Variants in FBN2 observed in about 807,000 individuals in gnomAD.
FBN2 encodes fibrillin-2.
FBN2 carries 105 observed loss-of-function variants against 355.6 expected under a neutral mutation model. That is an observed-to-expected ratio of 0.30 (90% CI 0.25 to 0.35). FBN2 has a LOEUF of 0.35. Ranked by LOEUF, FBN2 falls within the 10% of genes least tolerant of loss-of-function variation. The pLI, the probability that FBN2 is intolerant of heterozygous loss-of-function variation, is 1.00. For missense variants in FBN2, 3,280 were observed against 3,758.7 expected (o/e 0.87, Z 3.33); for synonymous variants, 1,350 against 1,301.2 (o/e 1.04, Z -0.81).
At chr5:128,409,696 A>G (rs1753015212) in intron 7 of FBN2, among the ~76,000 whole-genome samples, 1 of 152,158 alleles carries the variant, frequency 6.6e-6, no homozygotes, top group Non-Finnish European at 1.5e-5. Flanking sequence ...TAATGAACAG[A>G]GGTAGCAAAA....
rs1457658511 is a variant in FBN2 at position 128,279,475 on chromosome 5, A to G, written c.7139-634T>C. Among the ~76,000 whole-genome samples the G allele has an allele frequency of 2.0e-5, 3 of 152,192 alleles. No homozygotes were observed. In the East Asian group the frequency reaches 5.8e-4, roughly 29 times the overall value. On this transcript the variant is annotated intron_variant, in intron 56 of 64. Transcript: ENST00000262464. ...AAGACTGATGTTAGTTAGTAAAGGTATAGATTAGAGATAACAATAAACAAA... is the reference window on the plus strand; with the variant it reads ...AAGACTGATGTTAGTTAGTAAAGGTGTAGATTAGAGATAACAATAAACAAA...
In FBN2 at chr5:128,350,022, A is replaced by T; in HGVS notation, c.2813-17T>A. ...AAGCTGTATCTGTAACAACAACAGG[A>T]CAAATTTTACTTCATTATAGAATAA... is the stretch of plus-strand genomic sequence containing the variant. On this transcript the variant is annotated splice_polypyrimidine_tract_variant and intron_variant, in intron 21 of 64. Coordinates refer to ENST00000262464, the MANE Select transcript of FBN2 (RefSeq NM_001999.4). The T allele has an allele frequency of 1.2e-6, 2 of 1,605,732 alleles. No homozygotes were observed. The highest frequency in any genetic ancestry group is 4.5e-5 in the East Asian group (2 of 44,836).
intron 4 of FBN2, among the ~76,000 whole-genome samples, chr5:128,526,034 C>G (rs985909785): frequency 6.6e-6 from 1 of 151,980 alleles, no homozygotes; most frequent in African/African-American, 2.4e-5. Context: ...TTGACCTACC[C>G]CTGACCTTAA....
chr5:128,297,753 T>C (rs950211971), intron 48 of FBN2, among the ~76,000 whole-genome samples: 2 of 152,212 alleles, frequency 1.3e-5, no homozygotes, highest in African/African-American at 4.8e-5. Flanking sequence ...ATGGGTTTCC[T>C]GAATACAGCA....
intron 5 of FBN2, among the ~76,000 whole-genome samples, chr5:128,493,458 A>T (rs1199194255): frequency 6.6e-6 from 1 of 152,158 alleles, no homozygotes; most frequent in East Asian, 1.9e-4. Flanking sequence ...CTGGGTAAGC[A>T]CTTGACATAT....
At chr5:128,284,417 A>G (rs1005780385) in intron 55 of FBN2, among the ~76,000 whole-genome samples, 2 of 152,074 alleles carry the variant, frequency 1.3e-5, no homozygotes, top group African/African-American at 4.8e-5. Flanking sequence ...ATAAAACCAA[A>G]TTCTTTTCCA....
Position 128,263,667 on chromosome 5 carries a change from G to A in FBN2, c.7961-11C>T, listed in dbSNP as rs751924753. The A allele has an allele frequency of 1.4e-5, 23 of 1,601,340 alleles. No individual in the cohort carries two copies. The highest frequency in any genetic ancestry group is 4.0e-5 in the African/African-American group (3 of 74,570). ...AGCATTCATTCTCATCTAGTGAAAC[G>A]AAGAAAGAAACTCTTACACGGGGAA... is the stretch of plus-strand genomic sequence containing the variant. On this transcript the variant is annotated splice_polypyrimidine_tract_variant and intron_variant, in intron 62 of 64. Coordinates refer to ENST00000262464, the MANE Select transcript of FBN2 (RefSeq NM_001999.4).
chr5:128,300,571 A>G (rs1004906756), intron 48 of FBN2, among the ~76,000 whole-genome samples: 6 of 152,236 alleles, frequency 3.9e-5, no homozygotes, highest in African/African-American at 1.4e-4. Context: ...AAAAAGATTA[A>G]TTAGCATATG....
intron 5 of FBN2, among the ~76,000 whole-genome samples, chr5:128,470,422 A>G (rs1229513048): frequency 6.6e-6 from 1 of 152,178 alleles, no homozygotes; most frequent in Non-Finnish European, 1.5e-5. Context: ...CAAGGTAAAG[A>G]CAAAAGAGTC....
At chr5:128,484,039 A>ACAGAAT (rs1471432737) in intron 5 of FBN2, among the ~76,000 whole-genome samples, 4 of 152,198 alleles carry the variant, frequency 2.6e-5, no homozygotes, top group African/African-American at 9.7e-5. Context: ...GGAATGGGCA[A>ACAGAAT]GAGACAGAAA....
Position 128,335,163 on chromosome 5 carries a change from T to C in FBN2, c.3973+7A>G, listed in dbSNP as rs955699115. ...TATAAATGTTTATCCTTTCTTATGA[T>C]ACCCACCAATGCATGTTTTCATGTC... On this transcript the variant is annotated splice_region_variant and intron_variant, in intron 30 of 64. Coordinates refer to ENST00000262464, the MANE Select transcript of FBN2 (RefSeq NM_001999.4). 6.2e-7 allele frequency: 1 copy of C among 1,614,124 alleles called. No individual in the cohort carries two copies. The highest frequency in any genetic ancestry group is 1.6e-4 in the Middle Eastern group (1 of 6,062).
chr5:128,258,519 A>C lies in FBN2; in HGVS notation c.*936T>G, dbSNP rs952156283. ...ACAGCACGAAACACCACAGAATGCC[A>C]GGTGTTCCCTTTCAAGGGAACGGCG... On this transcript the variant is annotated 3_prime_UTR_variant, in exon 65 of 65. Coordinates refer to ENST00000262464, the MANE Select transcript of FBN2 (RefSeq NM_001999.4). The C allele has an allele frequency of 2.0e-5, 3 of 152,654 alleles. No homozygotes were observed. Among genetic ancestry groups the C allele is most frequent in the African/African-American group, 7.2e-5 (3 of 41,462 alleles). 9.5% of individuals were successfully genotyped at this position (152,654 alleles called of 1,614,324 possible).
intron 32 of FBN2, among the ~76,000 whole-genome samples, chr5:128,332,316 C>A (rs906208423): frequency 1.3e-5 from 2 of 152,092 alleles, no homozygotes; most frequent in Non-Finnish European, 2.9e-5. Context: ...AAGCATATTA[C>A]ACAAAACTGT....
chr5:128,478,403 T>C (rs907266860), intron 5 of FBN2, among the ~76,000 whole-genome samples: 1 of 152,224 alleles, frequency 6.6e-6, no homozygotes. Flanking sequence ...CAGAAATGTA[T>C]TGTTATTTTT....
intron 20 of FBN2, among the ~76,000 whole-genome samples, chr5:128,354,207 A>G (rs1351023075): frequency 6.6e-6 from 1 of 152,236 alleles, no homozygotes; most frequent in East Asian, 1.9e-4. Context: ...GCACCTGAAT[A>G]CAGACATAAA....
At position 128,307,145 on chromosome 5, in the gene FBN2, T is replaced by G; in HGVS notation, c.5412A>C (p.Gly1804=). Residue 1804 remains glycine (G), a synonymous_variant, in exon 42 of 65, where the codon GGA becomes GGC. Transcript: ENST00000262464. ...TCTGGAAAAACTCACCAACAGCTTT[T>G]CCTGTGTGAATGTCAAAGGTGAATC... ...IPGFTFDIHT[G]KAVDIDECKE... 6.2e-7 allele frequency: 1 copy of G among 1,607,018 alleles called. No individual in the cohort carries two copies. Among genetic ancestry groups the G allele is most frequent in the Non-Finnish European group, 8.5e-7 (1 of 1,173,800 alleles).
chr5:128,426,958 G>A lies in FBN2; in HGVS notation c.953-18159C>T, dbSNP rs564285975. Among the ~76,000 whole-genome samples the A allele has an allele frequency of 2.0e-4, 30 of 152,222 alleles. 1 individual carries two copies. In the South Asian group the frequency reaches 5.8e-3, roughly 29 times the overall value. ...AGCACTTGGACTTCTCTAGCAAAAT[G>A]CCTCCCCTGACTGACTTTATCCAGT... On this transcript the variant is annotated intron_variant, in intron 7 of 64. Transcript: ENST00000262464.
intron 5 of FBN2, among the ~76,000 whole-genome samples, chr5:128,496,080 A>G (rs1319079027): frequency 1.3e-5 from 2 of 152,144 alleles, no homozygotes; most frequent in African/African-American, 4.8e-5. Flanking sequence ...CCAGGCCCAG[A>G]TGGCTTTACT....
chr5:128,369,425 A>G lies in FBN2; in HGVS notation c.2096-91T>C, dbSNP rs1462199089. ...GCTTCTTTTAACCTAAGTGGCCACT[A>G]GACTGGAAGCTTTTCAAGGGCATCT... On this transcript the variant is annotated intron_variant, in intron 15 of 64. Coordinates refer to ENST00000262464, the MANE Select transcript of FBN2 (RefSeq NM_001999.4). 28 of 1,277,506 alleles carry G rather than the reference A, an allele frequency of 2.2e-5. No homozygotes were observed. In the South Asian group the frequency reaches 3.2e-4, roughly 15 times the overall value. The allele number at this position is 1,277,506 out of a possible 1,614,324, so 79.1% of individuals were successfully genotyped here.
Sources: allele counts gnomAD v4.1 joint callset (sites outside exome capture counted in the v4.1 genomes callset), GRCh38; gene constraint gnomAD v4.1.1; transcripts MANE v1.5; gene names NCBI Gene and HGNC (gene_info 2026-07-23, HGNC 2026-07-21).